Variants in CDK6 observed in about 807,000 individuals in gnomAD.
CDK6 encodes the protein cyclin-dependent kinase 6.
In CDK6, 6 loss-of-function variants were observed where a neutral mutation model predicts 37.1. The observed-to-expected ratio is 0.16, with a 90% CI of 0.09 to 0.32. CDK6 has a LOEUF of 0.32. Among genes scored for constraint, CDK6 ranks in the 10% least tolerant of loss-of-function variants. The probability of loss-of-function intolerance (pLI) is 1.00; values close to 1 mark genes in which losing one functional copy is unlikely to be tolerated. For synonymous variants in CDK6, 160 were observed against 161.3 expected (o/e 0.99, Z 0.06); for missense variants, 224 against 418.9 (o/e 0.53, Z 4.06).
At chr7:92,777,844 T>C (rs1260619051) in intron 2 of CDK6, among the ~76,000 whole-genome samples, 2 of 152,218 alleles carry the variant, frequency 1.3e-5, no homozygotes, top group Admixed American at 1.3e-4. Context: ...TTTCACAATA[T>C]TGATTCTTTG....
At position 92,790,453 on chromosome 7, in the gene CDK6, G is replaced by A. The variant is rs1355162455; in HGVS notation, c.234-15622C>T. ...TTCCACAGTAAAAATCTGATCGATA[G>A]CATTGAACAAATGCATTTAACCAGC... is the stretch of plus-strand genomic sequence containing the variant. On this transcript the variant is annotated intron_variant, in intron 2 of 7. Coordinates refer to ENST00000424848, the MANE Select transcript of CDK6 (RefSeq NM_001145306.2). 2.0e-5 allele frequency among the ~76,000 whole-genome samples: 3 copies of A among 152,120 alleles called. 1 individual carries two copies. The highest frequency in any genetic ancestry group is 2.0e-4 in the Admixed American group (3 of 15,252).
chr7:92,747,799 G>C (rs1799095474), intron 3 of CDK6, among the ~76,000 whole-genome samples: 1 of 152,088 alleles, frequency 6.6e-6, no homozygotes, highest in African/African-American at 2.4e-5. Context: ...CAAGCTGTGT[G>C]TCCACATTAA....
intron 4 of CDK6, among the ~76,000 whole-genome samples, chr7:92,684,096 T>C (rs1797396496): frequency 6.6e-6 from 1 of 152,180 alleles, no homozygotes; most frequent in Admixed American, 6.5e-5. Context: ...TCTGTTGTCT[T>C]ATATAATCTT....
intron 5 of CDK6, among the ~76,000 whole-genome samples, chr7:92,630,699 T>C (rs1796032449): frequency 6.6e-6 from 1 of 152,184 alleles, no homozygotes; most frequent in African/African-American, 2.4e-5. Context: ...GAATACTGTC[T>C]TCTGTCTCTT....
chr7:92,726,365 T>C (rs1798512879), intron 3 of CDK6, among the ~76,000 whole-genome samples: 1 of 152,230 alleles, frequency 6.6e-6, no homozygotes, highest in Non-Finnish European at 1.5e-5. Flanking sequence ...TACACAGATG[T>C]AGGCTACTAA....
chr7:92,827,467 G>C (rs751900103), intron 2 of CDK6, among the ~76,000 whole-genome samples: 1 of 152,052 alleles, frequency 6.6e-6, no homozygotes, highest in Non-Finnish European at 1.5e-5. Context: ...CAGTCCCTCC[G>C]GTTCACCTCT....
intron 4 of CDK6, among the ~76,000 whole-genome samples, chr7:92,690,311 G>C (rs1797572702): frequency 6.6e-6 from 1 of 152,044 alleles, no homozygotes; most frequent in East Asian, 1.9e-4. Context: ...TATAAGGAAG[G>C]GGTCCAGTTT....
intron 2 of CDK6, among the ~76,000 whole-genome samples, chr7:92,828,446 T>A (rs1399747082): frequency 6.6e-6 from 1 of 152,182 alleles, no homozygotes; most frequent in African/African-American, 2.4e-5. Context: ...TAAAATGGCA[T>A]GACAGACAAG....
chr7:92,678,259 C>T (rs1797251497), intron 4 of CDK6, among the ~76,000 whole-genome samples: 1 of 152,102 alleles, frequency 6.6e-6, no homozygotes, highest in Admixed American at 6.5e-5. Flanking sequence ...TAACAAAAGT[C>T]GCTACTAATG....
chr7:92,617,081 A>C (rs185043095), intron 7 of CDK6, among the ~76,000 whole-genome samples: 1 of 152,212 alleles, frequency 6.6e-6, no homozygotes, highest in Non-Finnish European at 1.5e-5. Flanking sequence ...AGAGTTGGAT[A>C]CTATGGTAGA....
intron 3 of CDK6, among the ~76,000 whole-genome samples, chr7:92,730,668 A>C (rs978556209): frequency 1.2e-4 from 18 of 152,350 alleles, no homozygotes; most frequent in Admixed American, 1.0e-3. Context: ...CTCAGTTAAC[A>C]TAGTTCCTTT....
chr7:92,807,535 C>G, intron 2 of CDK6, among the ~76,000 whole-genome samples: 1 of 151,524 alleles, frequency 6.6e-6, no homozygotes, highest in East Asian at 1.9e-4. Flanking sequence ...CTCTGCATCT[C>G]TCTATATAGA....
chr7:92,756,159 TA>T (rs1054729093), intron 3 of CDK6, among the ~76,000 whole-genome samples: 69 of 134,016 alleles, frequency 5.1e-4, no homozygotes, highest in Admixed American at 9.7e-4. Context: ...TGTAAAATTG[TA>T]AAAAAAAAAA....
chr7:92,753,806 C>G (rs1428132724), intron 3 of CDK6, among the ~76,000 whole-genome samples: 1 of 152,166 alleles, frequency 6.6e-6, no homozygotes, highest in Non-Finnish European at 1.5e-5. Flanking sequence ...CTACTCCCTG[C>G]TTTCAATGAG....
intron 4 of CDK6, among the ~76,000 whole-genome samples, chr7:92,704,006 C>T (rs1299670529): frequency 6.6e-6 from 1 of 152,158 alleles, no homozygotes; most frequent in Non-Finnish European, 1.5e-5. Flanking sequence ...ACAGACCAAA[C>T]TCCCTCCTAC....
At chr7:92,623,892 C>T (rs547934081) in intron 5 of CDK6, among the ~76,000 whole-genome samples, 1 of 152,192 alleles carries the variant, frequency 6.6e-6, no homozygotes, top group African/African-American at 2.4e-5. Flanking sequence ...CACAAGTAAA[C>T]GTTCCCTGAT....
chr7:92,799,189 T>C (rs1225044743), intron 2 of CDK6, among the ~76,000 whole-genome samples: 1 of 152,242 alleles, frequency 6.6e-6, no homozygotes, highest in East Asian at 1.9e-4. Context: ...TTCTACACTT[T>C]GTGCTACACT....
At chr7:92,684,530 C>T (rs1797405875) in intron 4 of CDK6, among the ~76,000 whole-genome samples, 1 of 151,990 alleles carries the variant, frequency 6.6e-6, no homozygotes, top group Admixed American at 6.6e-5. Context: ...AGAAGTCGGG[C>T]ACTGTGTGCA....
At chr7:92,727,503 G>A (rs1450303319) in intron 3 of CDK6, among the ~76,000 whole-genome samples, 3 of 152,180 alleles carry the variant, frequency 2.0e-5, no homozygotes, top group African/African-American at 4.8e-5. Context: ...TGTATGCCAA[G>A]TGCTTGTACA....
Sources: allele counts gnomAD v4.1 joint callset (sites outside exome capture counted in the v4.1 genomes callset), GRCh38; gene constraint gnomAD v4.1.1; transcripts MANE v1.5; gene names NCBI Gene and HGNC (gene_info 2026-07-23, HGNC 2026-07-21).